GMDS: variants seen among roughly 807,000 people sequenced by gnomAD.
The protein encoded by GMDS is GDP-mannose 4,6-dehydratase, also known as GDP-mannose 4,6 dehydratase.
In GMDS, 20 loss-of-function variants were observed where a neutral mutation model predicts 49.9. The observed-to-expected ratio is 0.40, with a 90% CI of 0.28 to 0.58. The LOEUF is 0.58. Among genes scored for constraint, GMDS ranks in the 20% least tolerant of loss-of-function variants. The probability of loss-of-function intolerance (pLI) is 0.42; values close to 1 mark genes in which losing one functional copy is unlikely to be tolerated. For missense variants in GMDS, 362 were observed against 481.4 expected, an observed-to-expected ratio of 0.75 and a Z score of 2.32; for synonymous variants, 177 against 178.6, an observed-to-expected ratio of 0.99 and a Z score of 0.07.
chr6:2,009,600 C>T (rs554389434), intron 4 of GMDS, among the ~76,000 whole-genome samples: 1 of 152,206 alleles, frequency 6.6e-6, no homozygotes, highest in African/African-American at 2.4e-5. Context: ...ATCCTTGGTT[C>T]GTTTAAAGCA....
chr6:1,649,113 G>T (rs2569844), intron 9 of GMDS, among the ~76,000 whole-genome samples: 57,630 of 152,056 alleles, frequency 0.38, 11,188 homozygotes, highest in East Asian at 0.62. Flanking sequence ...CAAATCACTT[G>T]CCAGTAAGTC....
intron 7 of GMDS, among the ~76,000 whole-genome samples, chr6:1,876,556 T>G (rs1759076777): frequency 6.6e-6 from 1 of 152,202 alleles, no homozygotes. Flanking sequence ...CGAGGGTTCA[T>G]GCCTAGCTCT....
At chr6:2,155,996 T>G (rs1450220010) in intron 1 of GMDS, among the ~76,000 whole-genome samples, 1 of 152,174 alleles carries the variant, frequency 6.6e-6, no homozygotes, top group Non-Finnish European at 1.5e-5. Context: ...TCATTGTTTT[T>G]TACATTTATT....
intron 1 of GMDS, among the ~76,000 whole-genome samples, chr6:2,163,784 C>T (rs943218342): frequency 6.6e-6 from 1 of 152,156 alleles, no homozygotes; most frequent in Non-Finnish European, 1.5e-5. Flanking sequence ...TGCCACTTGG[C>T]CCCTGGGATC....
chr6:1,712,018 A>T (rs1765986628), intron 9 of GMDS, among the ~76,000 whole-genome samples: 1 of 152,142 alleles, frequency 6.6e-6, no homozygotes, highest in Non-Finnish European at 1.5e-5. Flanking sequence ...CAAGTTTATG[A>T]CTGCAGCCTA....
At chr6:2,034,972 C>G (rs1469186524) in intron 4 of GMDS, among the ~76,000 whole-genome samples, 1 of 152,140 alleles carries the variant, frequency 6.6e-6, no homozygotes, top group African/African-American at 2.4e-5. Flanking sequence ...AAAGAAGAAG[C>G]TGCCACCCCT....
intron 1 of GMDS, among the ~76,000 whole-genome samples, chr6:2,214,956 A>C (rs1457069547): frequency 6.6e-6 from 1 of 152,244 alleles, no homozygotes; most frequent in East Asian, 1.9e-4. Flanking sequence ...ACATGAAGAA[A>C]ACCAAGACAT....
chr6:1,807,818 T>C (rs867884046), intron 7 of GMDS, among the ~76,000 whole-genome samples: 13 of 152,164 alleles, frequency 8.5e-5, no homozygotes, highest in Middle Eastern at 6.8e-3. Context: ...ACAGAATATC[T>C]TCATAATCAT....
At chr6:1,757,245 C>G (rs528571124) in intron 7 of GMDS, among the ~76,000 whole-genome samples, 1 of 152,274 alleles carries the variant, frequency 6.6e-6, no homozygotes, top group African/African-American at 2.4e-5. Context: ...TGGGAGCTCA[C>G]TTTCAGGTCA....
chr6:1,652,392 T>A (rs1366064992), intron 9 of GMDS, among the ~76,000 whole-genome samples: 2 of 6,288 alleles, frequency 3.2e-4, no homozygotes, highest in African/African-American at 8.3e-4. Context: ...TATATATATA[T>A]TATATATATA....
chr6:1,631,098 C>A (rs992928013), intron 9 of GMDS, among the ~76,000 whole-genome samples: 1 of 152,092 alleles, frequency 6.6e-6, no homozygotes. Flanking sequence ...TTGAGTGGAC[C>A]GATTAGGGAC....
intron 1 of GMDS, among the ~76,000 whole-genome samples, chr6:2,215,610 G>C (rs1447790278): frequency 6.6e-6 from 1 of 151,808 alleles, no homozygotes; most frequent in African/African-American, 2.4e-5. Context: ...GGGGGAAGGA[G>C]GGAGAAAGAG....
rs116233661 is a variant in GMDS, at chr6:2,181,575, T to G, written c.103-56844A>C. On this transcript the variant is annotated intron_variant, in intron 1 of 10. Transcript: ENST00000380815. ...CATGTGCTTGCTCCATGTCACTATT[T>G]TACACTTTGATAATTCTCACAGTAT... is the stretch of plus-strand genomic sequence containing the variant. 5.5e-3 allele frequency among the ~76,000 whole-genome samples: 835 copies of G among 152,320 alleles called. 2 individuals carry two copies. The highest frequency in any genetic ancestry group is 0.017 in the Middle Eastern group (5 of 294).
intron 4 of GMDS, among the ~76,000 whole-genome samples, chr6:1,980,240 C>T (rs756825710): frequency 6.6e-6 from 1 of 152,030 alleles, no homozygotes; most frequent in Non-Finnish European, 1.5e-5. Context: ...TTAAAAGACA[C>T]AGAATGGCAA....
Position 1,974,225 on chromosome 6 carries a change from A to G in GMDS, c.346-13259T>C, listed in dbSNP as rs541427047. On this transcript the variant is annotated intron_variant, in intron 4 of 10. Transcript: ENST00000380815. ...ATAAGTAAGCCCTCATGAGATACCT[A>G]CATGTTTCACTAGAAACATTTTATT... Among the ~76,000 whole-genome samples, 70 of 152,272 alleles carry G rather than the reference A, an allele frequency of 4.6e-4. 1 individual carries two copies. In the South Asian group the frequency reaches 0.015, roughly 32 times the overall value.
chr6:1,866,326 C>A (rs945697939), intron 7 of GMDS, among the ~76,000 whole-genome samples: 5 of 152,132 alleles, frequency 3.3e-5, no homozygotes, highest in Admixed American at 2.6e-4. Flanking sequence ...TTGTATCAAG[C>A]GTACTTAGCG....
intron 6 of GMDS, among the ~76,000 whole-genome samples, chr6:1,934,879 GCA>G (rs1389035599): frequency 6.6e-6 from 1 of 152,084 alleles, no homozygotes; most frequent in African/African-American, 2.4e-5. Flanking sequence ...AAAGAGAAAC[GCA>G]CAGAGGCTGC....
At chr6:1,947,077 T>G (rs1477972652) in intron 6 of GMDS, among the ~76,000 whole-genome samples, 1 of 152,238 alleles carries the variant, frequency 6.6e-6, no homozygotes, top group Non-Finnish European at 1.5e-5. Context: ...GAAGAGTAGA[T>G]GAACTTCTTT....
chr6:2,077,459 ATGCC>A (rs1430060589), intron 4 of GMDS, among the ~76,000 whole-genome samples: 1 of 152,078 alleles, frequency 6.6e-6, no homozygotes, highest in Non-Finnish European at 1.5e-5. Context: ...TGTTTCTTCT[ATGCC>A]ATATTTGCTG....
Sources: gnomAD v4.1 joint callset for allele counts (sites outside exome capture counted in the v4.1 genomes callset) on GRCh38, gnomAD v4.1.1 for gene constraint, MANE v1.5 for transcripts, NCBI Gene and HGNC (gene_info 2026-07-23, HGNC 2026-07-21) for gene names.